TMEM178B: variants seen among roughly 807,000 people sequenced by gnomAD.
TMEM178B encodes transmembrane protein 178B.
Under a neutral mutation model 31.0 loss-of-function variants are expected in TMEM178B, and 5 were observed. That is an observed-to-expected ratio of 0.16 (90% CI 0.08 to 0.34). TMEM178B has a LOEUF of 0.34. TMEM178B is among the 10% of genes least tolerant of loss of function. TMEM178B has a pLI of 1.00. For missense variants in TMEM178B, 275 were observed against 400.3 expected (o/e 0.69, Z 2.67); for synonymous variants, 164 against 164.0 (o/e 1.00, Z 0.00).
intron 1 of TMEM178B, among the ~76,000 whole-genome samples, chr7:141,165,163 G>T (rs1796238552): frequency 1.5e-5 from 2 of 133,460 alleles, no homozygotes; most frequent in South Asian, 2.3e-4. Context: ...TTATTTATTA[G>T]AATTTTGCTT....
chr7:141,318,941 A>G lies in TMEM178B; in HGVS notation c.496+106237A>G, dbSNP rs1199086091. Among the ~76,000 whole-genome samples, 1 of 152,346 alleles carries G rather than the reference A, an allele frequency of 6.6e-6. No homozygotes were observed. Among genetic ancestry groups the G allele is most frequent in the Admixed American group, 6.5e-5 (1 of 15,288 alleles). On this transcript the variant is annotated intron_variant, in intron 2 of 3. Transcript: ENST00000565468. This position sits in a 1 kb window ranked among gnomAD's most constrained non-coding sequence, Gnocchi z 4.1. Reference sequence around the variant, plus strand: ...GAATATGAGATATTTCTGCCAAAAAAAAATGAACAATTTTTACCAAGTTTC... The same window carrying G: ...GAATATGAGATATTTCTGCCAAAAAGAAATGAACAATTTTTACCAAGTTTC...
chr7:141,257,499 C>G (rs6972265), intron 2 of TMEM178B, among the ~76,000 whole-genome samples: 67,051 of 152,032 alleles, frequency 0.44, 15,035 homozygotes, highest in East Asian at 0.68. Context: ...TTCCACAGTT[C>G]GCAGCTTTTT....
chr7:141,323,453 T>C (rs1799135318), intron 2 of TMEM178B, among the ~76,000 whole-genome samples: 1 of 152,254 alleles, frequency 6.6e-6, no homozygotes, highest in African/African-American at 2.4e-5. Context: ...TGTGTTGTGA[T>C]CTTTCCACAT....
At chr7:141,374,781 G>A (rs1800183198) in intron 2 of TMEM178B, among the ~76,000 whole-genome samples, 1 of 152,162 alleles carries the variant, frequency 6.6e-6, no homozygotes, top group African/African-American at 2.4e-5. Flanking sequence ...TTCATCTTTG[G>A]TATTTGAACT....
At chr7:141,107,536 G>A (rs7455842) in intron 1 of TMEM178B, among the ~76,000 whole-genome samples, 9 of 152,204 alleles carry the variant, frequency 5.9e-5, no homozygotes, top group Middle Eastern at 3.4e-3. Flanking sequence ...ATGTAGAGGG[G>A]ATATGAGAGA....
chr7:141,443,199 C>G (rs999621014), intron 3 of TMEM178B, among the ~76,000 whole-genome samples: 1 of 152,182 alleles, frequency 6.6e-6, no homozygotes, highest in Non-Finnish European at 1.5e-5. Flanking sequence ...GTATCCTCTG[C>G]CACTGTATCC....
At chr7:141,166,076 A>G (rs1796255744) in intron 1 of TMEM178B, among the ~76,000 whole-genome samples, 1 of 152,228 alleles carries the variant, frequency 6.6e-6, no homozygotes, top group African/African-American at 2.4e-5. Context: ...CTGAGGAAGA[A>G]AAAGCAGGCT....
chr7:141,383,126 C>T (rs1411477584), intron 2 of TMEM178B, among the ~76,000 whole-genome samples: 1 of 151,934 alleles, frequency 6.6e-6, no homozygotes, highest in African/African-American at 2.4e-5. Context: ...TGAATTGCTG[C>T]TTTTAGCATT....
chr7:141,487,171 G>A, the TMEM178B span, among the ~76,000 whole-genome samples: 1 of 152,126 alleles, frequency 6.6e-6, no homozygotes, highest in Non-Finnish European at 1.5e-5. Context: ...ATGCTGCTGA[G>A]CCATTTTTTA....
In TMEM178B at chr7:141,074,481, C is replaced by T; in HGVS notation, c.171C>T (p.Tyr57=). 6.5e-7 allele frequency: 1 copy of T among 1,536,104 alleles called. No individual in the cohort carries two copies. The highest frequency in any genetic ancestry group is 8.7e-7 in the Non-Finnish European group (1 of 1,146,862). The part of the protein sequence containing the change: ...NTRRVDPGFI[Y]NNNNNLPLRA... ...GCCGGGTCGACCCCGGCTTCATTTA[C>T]AACAATAACAACAACTTGCCGCTCC... The change falls in exon 1 of 4, where the codon TAC becomes TAT. Residue 57 remains tyrosine, a synonymous_variant. Transcript: ENST00000565468. This position sits in a 1 kb window ranked among gnomAD's most constrained non-coding sequence, Gnocchi z 5.1.
At chr7:141,187,659 T>C (rs1209384980) in intron 1 of TMEM178B, among the ~76,000 whole-genome samples, 1 of 152,238 alleles carries the variant, frequency 6.6e-6, no homozygotes, top group Non-Finnish European at 1.5e-5. Flanking sequence ...TGGTATCTCA[T>C]TGTGGTTTTG....
Position 141,445,677 on chromosome 7 carries a change from A to G in TMEM178B, c.634+7932A>G, listed in dbSNP as rs925839924. ...ATATTCAGTAAGCTAATGACTTACT[A>G]TGAGACAGGCTTACAATAAACCCTT... On this transcript the variant is annotated intron_variant, in intron 3 of 3. Transcript: ENST00000565468. 2.6e-5 allele frequency among the ~76,000 whole-genome samples: 4 copies of G among 152,252 alleles called. No homozygotes were observed. The East Asian group carries it at 7.7e-4, about 29-fold the overall frequency.
At chr7:141,095,275 C>G (rs1294325648) in intron 1 of TMEM178B, among the ~76,000 whole-genome samples, 1 of 152,162 alleles carries the variant, frequency 6.6e-6, no homozygotes, top group African/African-American at 2.4e-5. Context: ...TACTCAGAAA[C>G]GGTGGGATAC....
chr7:141,176,282 C>T (rs1412647938), intron 1 of TMEM178B, among the ~76,000 whole-genome samples: 3 of 152,152 alleles, frequency 2.0e-5, no homozygotes, highest in African/African-American at 7.2e-5. Flanking sequence ...ATATGTTGAA[C>T]CAGACTTGCA....
downstream of TMEM178B, among the ~76,000 whole-genome samples, chr7:141,482,278 A>T (rs1309637942): frequency 6.6e-6 from 1 of 152,210 alleles, no homozygotes; most frequent in African/African-American, 2.4e-5. Context: ...GGTGGTTCAT[A>T]GAGGGCAGTC....
At chr7:141,508,849 A>C in the TMEM178B span, among the ~76,000 whole-genome samples, 1 of 152,204 alleles carries the variant, frequency 6.6e-6, no homozygotes, top group African/African-American at 2.4e-5. Flanking sequence ...GACACAATTC[A>C]AGTTGAGATT....
intron 2 of TMEM178B, among the ~76,000 whole-genome samples, chr7:141,255,587 A>G (rs149067415): frequency 1.3e-5 from 2 of 152,304 alleles, no homozygotes; most frequent in East Asian, 3.9e-4. Flanking sequence ...GGACAATCTC[A>G]AAATAGAGTT....
intron 2 of TMEM178B, among the ~76,000 whole-genome samples, chr7:141,287,120 A>G (rs938114308): frequency 2.0e-5 from 3 of 151,700 alleles, no homozygotes; most frequent in Non-Finnish European, 4.4e-5. Context: ...CTCCCCTTAT[A>G]TCCTGTTTTC....
chr7:141,475,897 T>A lies in TMEM178B; in HGVS notation c.*5111T>A, dbSNP rs1477294026. 27 of 152,140 alleles carry A rather than the reference T, an allele frequency of 1.8e-4. No individual in the cohort carries two copies. Among genetic ancestry groups the A allele is most frequent in the Non-Finnish European group, 4.4e-5 (3 of 68,018 alleles). The allele number at this position is 152,140 out of a possible 1,614,324, so 9.4% of individuals were successfully genotyped here. On this transcript the variant is annotated 3_prime_UTR_variant, in exon 4 of 4. Coordinates refer to ENST00000565468, the MANE Select transcript of TMEM178B (RefSeq NM_001195278.2). ...ACTTGTGTAACAGTTACTGTAAATT[T>A]CACTACAGCTCTGCACTGAAATGAT...
Sources: gnomAD v4.1 joint callset for allele counts (sites outside exome capture counted in the v4.1 genomes callset) on GRCh38, gnomAD v4.1.1 for gene constraint, Gnocchi (gnomAD v3.1) non-coding constraint, MANE v1.5 for transcripts, NCBI Gene and HGNC (gene_info 2026-07-23, HGNC 2026-07-21) for gene names.